The following RPS6KL1 variants were observed in gnomAD, a reference collection of about 807,000 sequenced individuals.
RPS6KL1 encodes the protein ribosomal protein S6 kinase-like 1.
In RPS6KL1, 41 loss-of-function variants were observed where a neutral mutation model predicts 57.0. The ratio of observed to expected loss-of-function variants is 0.72; its 90% confidence interval spans 0.56 to 0.93. RPS6KL1 has a LOEUF of 0.93. Ranked by LOEUF, RPS6KL1 falls within the 40% of genes least tolerant of loss-of-function variation. RPS6KL1 has a pLI of 0.00. For synonymous variants in RPS6KL1, 287 were observed against 309.7 expected, an observed-to-expected ratio of 0.93 and a Z score of 0.77; for missense variants, 697 against 727.7, an observed-to-expected ratio of 0.96 and a Z score of 0.49.
chr14:74,911,402 G>T (rs1229194269), intron 6 of RPS6KL1, 22 bp from the exon 7 acceptor site: 9 of 1,596,528 alleles, frequency 5.6e-6, no homozygotes, highest in African/African-American at 1.3e-5. Flanking sequence ...AGGGCAGGCA[G>T]ATCAGCCGGG....
rs756290237 is a variant in RPS6KL1, at chr14:74,911,852, C to A, written c.484-11G>T. 22 of 1,552,152 alleles carry A rather than the reference C, an allele frequency of 1.4e-5. No homozygotes were observed. In the East Asian group the frequency reaches 4.9e-4, roughly 34 times the overall value. On this transcript the variant is annotated splice_polypyrimidine_tract_variant and intron_variant, in intron 5 of 11. Transcript: ENST00000557413. ...CTGGACCAGCTGCACCTGCCAAAGT[C>A]CAAGAGGCACTGGTTAAGGCAGGTA...
In RPS6KL1 at chr14:74,919,885, T is replaced by A. The variant is rs758522648; in HGVS notation, c.350A>T (p.His117Leu). The A allele has an allele frequency of 2.5e-6, 4 of 1,613,496 alleles. No individual in the cohort carries two copies. Among genetic ancestry groups the A allele is most frequent in the Non-Finnish European group, 3.4e-6 (4 of 1,179,906 alleles). The part of the protein sequence containing the change: ...LRRAEEIFNC[H>L]LQRPLSSGAS... ...TCCACTGCTCAGCGGCCGCTGCAGG[T>A]GGCAGTTGAAGATCTCCTCTGCCCG... Residue 117 changes from histidine (H) to leucine (L), a missense_variant, in exon 4 of 12, where the codon CAC (histidine) becomes CTC (leucine). Physicochemically the swap from His to Leu is moderately conservative, Grantham distance 99. Transcript: ENST00000557413.
At position 74,907,486 on chromosome 14, in the gene RPS6KL1, C is replaced by A; in HGVS notation, c.1488G>T (p.Gln496His). Reference protein sequence around the residue: ...SHPSGIQAHTQLQLPEWLSRP... With the variant: ...SHPSGIQAHTHLQLPEWLSRP... ...GACTGAGCCACTCGGGCAGCTGGAG[C>A]TGGGTGTGGGCCTGGATTCCTGAAG... Residue 496 changes from glutamine to histidine, a missense_variant, in exon 11 of 12, where the codon CAG (glutamine) becomes CAT (histidine). Physicochemically the swap from Gln to His is conservative, Grantham distance 24. Coordinates refer to ENST00000557413, the MANE Select transcript of RPS6KL1 (RefSeq NM_031464.5). 6.3e-7 allele frequency: 1 copy of A among 1,588,292 alleles called. No individual in the cohort carries two copies. Among genetic ancestry groups the A allele is most frequent in the Non-Finnish European group, 8.6e-7 (1 of 1,167,444 alleles).
At chr14:74,918,408 C>T in intron 5 of RPS6KL1, 105 bp downstream of exon 5, 1 of 789,692 alleles carries the variant, frequency 1.3e-6, no homozygotes, top group Non-Finnish European at 2.0e-6. Context: ...GGAGTGGGGG[C>T]CACTGCTACA....
In RPS6KL1 at chr14:74,911,784, T is replaced by A. The variant is rs748681672; in HGVS notation, c.531+10A>T. On this transcript the variant is annotated intron_variant, in intron 6 of 11. Transcript: ENST00000557413. The stretch of plus-strand genomic sequence containing the variant: ...GGAATGCAGAGTGGCAGGGGCAGGG[T>A]GGCACCTGCCTTCACCACAAAGGTC... 1 of 1,537,258 alleles carries A rather than the reference T, an allele frequency of 6.5e-7. No homozygotes were observed. Among genetic ancestry groups the A allele is most frequent in the South Asian group, 1.2e-5 (1 of 81,488 alleles).
In RPS6KL1 at chr14:74,907,423, G is replaced by T; in HGVS notation, c.1539+12C>A. The T allele has an allele frequency of 6.4e-7, 1 of 1,564,030 alleles. No individual in the cohort carries two copies. On this transcript the variant is annotated intron_variant, in intron 11 of 11. Coordinates refer to ENST00000557413, the MANE Select transcript of RPS6KL1 (RefSeq NM_031464.5). ...CTAGGCAGCTGCTTCCTCTGGCCGG[G>T]CTACACCTCACCTCAGTCAGCAGAG... is the stretch of plus-strand genomic sequence containing the variant.
chr14:74,920,116 T>C, intron 3 of RPS6KL1, 147 bp from the exon 4 acceptor site: 5 of 1,037,066 alleles, frequency 4.8e-6, no homozygotes, highest in Non-Finnish European at 4.3e-6. Flanking sequence ...GATTGCTTCA[T>C]GAGCCCCTCC....
intron 3 of RPS6KL1, 39 bp from the exon 4 acceptor site, chr14:74,920,008 C>T (rs1566836520): frequency 6.2e-7 from 1 of 1,613,194 alleles, no homozygotes; most frequent in Non-Finnish European, 8.5e-7. Flanking sequence ...CCAGCCATGG[C>T]CTCGGAGGGC....
intron 5 of RPS6KL1, among the ~76,000 whole-genome samples, chr14:74,914,735 G>A (rs1000336096): frequency 1.3e-5 from 2 of 152,078 alleles, no homozygotes; most frequent in African/African-American, 2.4e-5. Flanking sequence ...TTTTTGAGAC[G>A]GAGTTTCACT....
rs1228792378 is a variant in RPS6KL1, at chr14:74,921,533, C to G, written c.9G>C (p.Leu3=). Residue 3 remains leucine (L), a synonymous_variant, in exon 3 of 12, where the codon CTG becomes CTC. Transcript: ENST00000557413. Reference sequence around the variant, plus strand: ...GGCTGGGCAGGCACTCACAGGCCACCAGGCTCATGGCTGCCCTGCAGCTGG... The same window carrying G: ...GGCTGGGCAGGCACTCACAGGCCACGAGGCTCATGGCTGCCCTGCAGCTGG... The part of the protein sequence containing the change: MS[L]VACECLPSPG... 2.5e-6 allele frequency: 4 copies of G among 1,613,664 alleles called. No individual in the cohort carries two copies. In the African/African-American group the frequency reaches 5.3e-5, roughly 22 times the overall value.
chr14:74,918,671 C>A, intron 4 of RPS6KL1, 66 bp from the exon 5 acceptor site: 1 of 1,245,054 alleles, frequency 8.0e-7, no homozygotes, highest in Non-Finnish European at 1.1e-6. Context: ...ATGGCCTTCT[C>A]ACCAGGCATC....
At chr14:74,917,504 A>G (rs1887047283) in intron 5 of RPS6KL1, among the ~76,000 whole-genome samples, 1 of 152,192 alleles carries the variant, frequency 6.6e-6, no homozygotes, top group Admixed American at 6.5e-5. Context: ...ATTTTTAGGA[A>G]GCTCTCCATT....
chr14:74,920,099 G>A, intron 3 of RPS6KL1, 130 bp from the exon 4 acceptor site: 1 of 1,211,418 alleles, frequency 8.3e-7, no homozygotes, highest in Non-Finnish European at 1.2e-6. Context: ...GGCAGATTCT[G>A]CCCCCAGATT....
At chr14:74,908,092 A>C (rs536928353) in intron 10 of RPS6KL1, among the ~76,000 whole-genome samples, 2 of 152,204 alleles carry the variant, frequency 1.3e-5, no homozygotes, top group African/African-American at 2.4e-5. Context: ...GAAAAGAGAG[A>C]GCCACTCTGG....
At chr14:74,910,246 C>A in intron 7 of RPS6KL1, 98 bp from the exon 8 acceptor site, 1 of 1,400,094 alleles carries the variant, frequency 7.1e-7, no homozygotes, top group African/African-American at 1.4e-5. Flanking sequence ...CTGTCTTGGG[C>A]GCAGACTTTC....
rs560390682 is a variant in RPS6KL1 at position 74,916,175 on chromosome 14, G to C, written c.483+2338C>G. Among the ~76,000 whole-genome samples the C allele has an allele frequency of 3.9e-5, 6 of 152,294 alleles. 1 individual carries two copies. In the East Asian group the frequency reaches 9.7e-4, roughly 25 times the overall value. ...ACTGCCCACTTGCCCAGATCTGTCTGGGCACAGCTGTGGAATGGAACAAGG... is the reference window on the plus strand; with the variant it reads ...ACTGCCCACTTGCCCAGATCTGTCTCGGCACAGCTGTGGAATGGAACAAGG... On this transcript the variant is annotated intron_variant, in intron 5 of 11. Coordinates refer to ENST00000557413, the MANE Select transcript of RPS6KL1 (RefSeq NM_031464.5).
At chr14:74,918,734 C>A in intron 4 of RPS6KL1, 129 bp from the exon 5 acceptor site, 1 of 643,076 alleles carries the variant, frequency 1.6e-6, no homozygotes. Context: ...GGGGTATAGG[C>A]AGGCCCCACC....
At chr14:74,910,955 T>A in intron 7 of RPS6KL1, 1 of 329,116 alleles carries the variant, frequency 3.0e-6, no homozygotes, top group Non-Finnish European at 6.0e-6. Flanking sequence ...CACTGCAACC[T>A]CCACCTCCCG....
rs548346312 is a variant in RPS6KL1 at position 74,923,220 on chromosome 14, C to T, written c.-569G>A. 6.6e-6 allele frequency: 1 copy of T among 152,264 alleles called. No homozygotes were observed. Among genetic ancestry groups the T allele is most frequent in the Non-Finnish European group, 1.5e-5 (1 of 68,090 alleles). The allele number at this position is 152,264 out of a possible 1,614,324, so 9.4% of individuals were successfully genotyped here. On this transcript the variant is annotated 5_prime_UTR_variant, in exon 1 of 12. Coordinates refer to ENST00000557413, the MANE Select transcript of RPS6KL1 (RefSeq NM_031464.5). Reference sequence around the variant, plus strand: ...GCCGGGTCCGCGGGCCAGGCCTCCCCCTCACGTACCGGCCCTTCACGCCAG... The same window carrying T: ...GCCGGGTCCGCGGGCCAGGCCTCCCTCTCACGTACCGGCCCTTCACGCCAG...
Sources: allele counts gnomAD v4.1 joint callset (sites outside exome capture counted in the v4.1 genomes callset), GRCh38; gene constraint gnomAD v4.1.1; transcripts MANE v1.5; gene names NCBI Gene and HGNC (gene_info 2026-07-23, HGNC 2026-07-21).